The following PLA2G4A variants were observed in gnomAD, a reference collection of about 807,000 sequenced individuals.
PLA2G4A encodes the protein phospholipase A2 group IVA.
PLA2G4A carries 40 observed loss-of-function variants against 81.9 expected under a neutral mutation model. The observed-to-expected ratio is 0.49, with a 90% confidence interval of 0.38 to 0.64. The LOEUF (loss-of-function observed/expected upper bound fraction) is 0.64, where lower values mean the gene tolerates loss of function less well. PLA2G4A is among the 30% of genes least tolerant of loss of function. The pLI, the probability that PLA2G4A is intolerant of heterozygous loss-of-function variation, is 0.00. For missense variants in PLA2G4A, 715 were observed against 905.1 expected, an observed-to-expected ratio of 0.79 and a Z score of 2.69; for synonymous variants, 302 against 296.9, an observed-to-expected ratio of 1.02 and a Z score of -0.18.
Position 186,988,912 on chromosome 1 carries a change from GACA to G in PLA2G4A, c.*408_*410del, listed in dbSNP as rs1002571397. The G allele has an allele frequency of 1.8e-5, 3 of 164,684 alleles. No individual in the cohort carries two copies. Among genetic ancestry groups the G allele is most frequent in the Non-Finnish European group, 2.7e-5 (2 of 75,052 alleles). The allele number at this position is 164,684 out of a possible 1,614,324, so 10.2% of individuals were successfully genotyped here. On this transcript the variant is annotated 3_prime_UTR_variant, in exon 18 of 18. Transcript: ENST00000367466. The stretch of plus-strand genomic sequence containing the variant: ...CTGACTAGATTTATTCATACCATGA[GACA>G]ACACTATTTTTATTTATATATGCAT...
At chr1:186,897,535 G>T (rs1347456453) in intron 5 of PLA2G4A, among the ~76,000 whole-genome samples, 1 of 151,826 alleles carries the variant, frequency 6.6e-6, no homozygotes, top group African/African-American at 2.4e-5. Flanking sequence ...TTGAGACAGG[G>T]TCTCGCTCTG....
At chr1:186,866,982 T>G (rs1025101977) in intron 2 of PLA2G4A, among the ~76,000 whole-genome samples, 4 of 152,186 alleles carry the variant, frequency 2.6e-5, no homozygotes, top group African/African-American at 9.6e-5. Context: ...TCTTTTCTCC[T>G]TTGTCAAAGA....
At chr1:186,908,601 G>T (rs187812692) in intron 6 of PLA2G4A, among the ~76,000 whole-genome samples, 53 of 152,082 alleles carry the variant, frequency 3.5e-4, no homozygotes, top group Non-Finnish European at 5.2e-4. Context: ...TAATGGTGCT[G>T]CTTGTAATAG....
chr1:186,887,763 C>A (rs189600478), intron 3 of PLA2G4A, among the ~76,000 whole-genome samples: 1 of 152,160 alleles, frequency 6.6e-6, no homozygotes, highest in Non-Finnish European at 1.5e-5. Context: ...TGAAACTTCT[C>A]TAAAGTATTG....
intron 12 of PLA2G4A, among the ~76,000 whole-genome samples, chr1:186,949,404 G>GAAAAAAGA (rs10631853): frequency 0.63 from 92,508 of 146,772 alleles, 30,576 homozygotes; most frequent in Admixed American, 0.72. Context: ...GAAAAAGAAA[G>GAAAAAAGA]AAGAAAGAAA....
At chr1:186,980,266 T>A (rs1452051370) in intron 17 of PLA2G4A, among the ~76,000 whole-genome samples, 2 of 152,174 alleles carry the variant, frequency 1.3e-5, no homozygotes, top group South Asian at 2.1e-4. Context: ...GCCTTTGAGA[T>A]GTCAAGTATG....
chr1:186,880,727 C>T (rs771992250), intron 3 of PLA2G4A, among the ~76,000 whole-genome samples: 13 of 151,856 alleles, frequency 8.6e-5, no homozygotes, highest in Admixed American at 2.0e-4. Flanking sequence ...TGTTTTATCA[C>T]GGTATATAAG....
At chr1:186,890,698 A>G (rs1654103892) in intron 3 of PLA2G4A, among the ~76,000 whole-genome samples, 1 of 152,056 alleles carries the variant, frequency 6.6e-6, no homozygotes, top group Non-Finnish European at 1.5e-5. Flanking sequence ...TACTGAATAT[A>G]CAAAAATTAG....
Position 186,944,279 on chromosome 1 carries a change from G to A in PLA2G4A, c.1034-2358G>A, listed in dbSNP as rs1656260250. ...AAAAGGTAGAGTCACCAGCAGGAGA[G>A]AATTAGTTGAAAACTAACACCGTGA... On this transcript the variant is annotated intron_variant, in intron 10 of 17. Transcript: ENST00000367466. Among the ~76,000 whole-genome samples, 4 of 152,256 alleles carry A rather than the reference G, an allele frequency of 2.6e-5. No individual in the cohort carries two copies. The South Asian group carries it at 8.3e-4, about 32-fold the overall frequency.
chr1:186,944,025 TAAG>T (rs1656250801), intron 10 of PLA2G4A, among the ~76,000 whole-genome samples: 1 of 152,060 alleles, frequency 6.6e-6, no homozygotes, highest in South Asian at 2.1e-4. Flanking sequence ...GACATACTGA[TAAG>T]AAAAGAATAG....
chr1:186,839,354 G>A (rs961550736), intron 1 of PLA2G4A, among the ~76,000 whole-genome samples: 1 of 152,172 alleles, frequency 6.6e-6, no homozygotes, highest in East Asian at 1.9e-4. Context: ...GTCCTGAAGT[G>A]GAAAGTCATT....
chr1:186,970,580 T>C (rs1175325103), intron 15 of PLA2G4A, among the ~76,000 whole-genome samples: 3 of 152,054 alleles, frequency 2.0e-5, no homozygotes, highest in Admixed American at 6.6e-5. Context: ...ATTTGATTTT[T>C]ATATATGTCA....
At chr1:186,931,517 CTATTATTATTATTATTATTAT>C (rs3060324) in intron 7 of PLA2G4A, among the ~76,000 whole-genome samples, 3 of 144,964 alleles carry the variant, frequency 2.1e-5, no homozygotes, top group Admixed American at 7.0e-5. Flanking sequence ...AAAATGTTTG[CTATTATTATTATTATTATTAT>C]TATTATTATT....
At chr1:186,919,932 G>A (rs1655286759) in intron 7 of PLA2G4A, among the ~76,000 whole-genome samples, 1 of 152,164 alleles carries the variant, frequency 6.6e-6, no homozygotes, top group African/African-American at 2.4e-5. Flanking sequence ...TAATTCCATA[G>A]GCTTTCAAGC....
intron 10 of PLA2G4A, among the ~76,000 whole-genome samples, chr1:186,940,835 CA>C (rs572976780): frequency 5.9e-5 from 9 of 152,100 alleles, no homozygotes; most frequent in Non-Finnish European, 1.3e-4. Flanking sequence ...GTATGTTTGC[CA>C]TTCAAAGTGC....
intron 2 of PLA2G4A, among the ~76,000 whole-genome samples, chr1:186,858,888 T>C (rs1325567474): frequency 6.6e-6 from 1 of 151,316 alleles, no homozygotes; most frequent in Non-Finnish European, 1.5e-5. Context: ...GCTATGTGTA[T>C]ATGGAAAAAA....
chr1:186,935,212 A>T (rs997242076), intron 8 of PLA2G4A, among the ~76,000 whole-genome samples: 26 of 152,088 alleles, frequency 1.7e-4, no homozygotes, highest in African/African-American at 6.3e-4. Flanking sequence ...AGCAGGAACC[A>T]CTAGTAAAAG....
chr1:186,941,562 A>C (rs865856573), intron 10 of PLA2G4A, among the ~76,000 whole-genome samples: 1 of 152,194 alleles, frequency 6.6e-6, no homozygotes, highest in South Asian at 2.1e-4. Flanking sequence ...CATAAAGATT[A>C]AATAATTTGC....
chr1:186,966,585 A>G (rs766381409), intron 15 of PLA2G4A, among the ~76,000 whole-genome samples: 2 of 152,130 alleles, frequency 1.3e-5, no homozygotes, highest in Non-Finnish European at 2.9e-5. Flanking sequence ...GGGTAAATAA[A>G]AGTCCGCCTG....
Sources: gnomAD v4.1 joint callset for allele counts (sites outside exome capture counted in the v4.1 genomes callset) on GRCh38, gnomAD v4.1.1 for gene constraint, MANE v1.5 for transcripts, NCBI Gene and HGNC (gene_info 2026-07-23, HGNC 2026-07-21) for gene names.